Variants in DCLRE1A observed in about 807,000 individuals in gnomAD.
DCLRE1A encodes the protein DNA cross-link repair 1A protein.
DCLRE1A carries 64 observed loss-of-function variants against 91.9 expected under a neutral mutation model. The ratio of observed to expected loss-of-function variants is 0.70; its 90% CI spans 0.57 to 0.86. The LOEUF is 0.86. DCLRE1A is among the 40% of genes least tolerant of loss of function. The pLI is 0.00. For missense variants in DCLRE1A, 1,145 were observed against 1,213.3 expected, an observed-to-expected ratio of 0.94 and a Z score of 0.84; for synonymous variants, 416 against 431.1, an observed-to-expected ratio of 0.96 and a Z score of 0.43.
chr10:113,841,389 A>G lies in DCLRE1A; in HGVS notation c.2820+17T>C, dbSNP rs1208768911. 6.2e-7 allele frequency: 1 copy of G among 1,608,628 alleles called. No homozygotes were observed. The highest frequency in any genetic ancestry group is 8.5e-7 in the Non-Finnish European group (1 of 1,178,058). ...CTTTTTTGTTCATCCTAAAAGACAT[A>G]TCTCTTGAATGCTTACCTTAAAATT... On this transcript the variant is annotated intron_variant, in intron 7 of 8. Transcript: ENST00000361384.
intron 2 of DCLRE1A, 119 bp downstream of exon 2, chr10:113,848,861 G>T: frequency 1.0e-6 from 1 of 965,476 alleles, no homozygotes; most frequent in Non-Finnish European, 1.5e-6. Context: ...TATCACAAAA[G>T]CAAAGGAAAC....
At position 113,849,008 on chromosome 10, in the gene DCLRE1A, C is replaced by CT; in HGVS notation, c.2096dup (p.Thr700AspfsTer6). 1 of 1,613,404 alleles carries CT rather than the reference C, an allele frequency of 6.2e-7. No individual in the cohort carries two copies. Among genetic ancestry groups the CT allele is most frequent in the Non-Finnish European group, 8.5e-7 (1 of 1,179,780 alleles). ...GTATTTTCTTATAGAATGGACATGT[C>CT]TTTTTTCTTGATCCTCCTACATTAG... On this transcript the variant is annotated frameshift_variant, in exon 2 of 9. Transcript: ENST00000361384. LOFTEE classifies it high-confidence loss of function.
In DCLRE1A at chr10:113,849,856, TC is replaced by T; in HGVS notation, c.1248del (p.Lys417SerfsTer30). The T allele has an allele frequency of 2.5e-6, 4 of 1,613,946 alleles. No individual in the cohort carries two copies. The highest frequency in any genetic ancestry group is 3.4e-6 in the Non-Finnish European group (4 of 1,180,026). On this transcript the variant is annotated frameshift_variant, in exon 2 of 9. Coordinates refer to ENST00000361384, the MANE Select transcript of DCLRE1A (RefSeq NM_014881.5). LOFTEE classifies it high-confidence loss of function. ...GCCTGATGAACAGAAGCAGCAAGCTTCCCTGCCAATGCAGGTGGAAACAACA... is the reference window on the plus strand; with the variant it reads ...GCCTGATGAACAGAAGCAGCAAGCTTCCTGCCAATGCAGGTGGAAACAACA... ...DFVLFPPALAGKLAASVHQAT... is the reference protein window; with the variant it reads ...DFVLFPPALAXKLAASVHQAT...
rs1279435546 is a variant in DCLRE1A, at chr10:113,834,899, A to C, written c.*253T>G. On this transcript the variant is annotated 3_prime_UTR_variant, in exon 9 of 9. Transcript: ENST00000361384. ...TTCCTCTTCTAAGGCTTGATGCAGAATATAACTGCCCATGGAGGGCAGGGG... is the reference window on the plus strand; with the variant it reads ...TTCCTCTTCTAAGGCTTGATGCAGACTATAACTGCCCATGGAGGGCAGGGG... 6.0e-6 allele frequency: 2 copies of C among 333,212 alleles called. No homozygotes were observed. The highest frequency in any genetic ancestry group is 4.3e-5 in the African/African-American group (2 of 47,034). 20.6% of individuals were successfully genotyped at this position (333,212 alleles called of 1,614,324 possible). A position where few individuals can be genotyped will look rare whatever the true frequency, so the allele number is the denominator to read the frequency against.
chr10:113,834,834 A>T lies in DCLRE1A; in HGVS notation c.*318T>A, dbSNP rs1458755409. Reference sequence around the variant, plus strand: ...ATATAATGCTTCAAACTACTTTATTAATTATCATTAATCCTTTTGGTCCCT... The same window carrying T: ...ATATAATGCTTCAAACTACTTTATTTATTATCATTAATCCTTTTGGTCCCT... On this transcript the variant is annotated 3_prime_UTR_variant, in exon 9 of 9. Coordinates refer to ENST00000361384, the MANE Select transcript of DCLRE1A (RefSeq NM_014881.5). 1.1e-5 allele frequency: 2 copies of T among 186,786 alleles called. No individual in the cohort carries two copies. The highest frequency in any genetic ancestry group is 4.7e-5 in the African/African-American group (2 of 42,758). 11.6% of individuals were successfully genotyped at this position (186,786 alleles called of 1,614,324 possible).
Position 113,845,757 on chromosome 10 carries a change from T to C in DCLRE1A, c.2306A>G (p.Tyr769Cys), listed in dbSNP as rs776576602. The C allele has an allele frequency of 6.2e-7, 1 of 1,614,170 alleles. No homozygotes were observed. The highest frequency in any genetic ancestry group is 8.5e-7 in the Non-Finnish European group (1 of 1,180,012). ...AGTGTCCAGTGGCAATGGGTGAATA[T>C]ATTGTTCTTGCACATGAAGCTTGTT... ...LKNKLHVQEQ[Y>C]IHPLPLDTEC... is the part of the protein sequence containing the mutation. The change falls in exon 4 of 9, where the codon TAT becomes TGT. Residue 769 changes from tyrosine to cysteine, a missense_variant. Tyr to Cys is a radical substitution (Grantham distance 194). Transcript: ENST00000361384.
At position 113,844,814 on chromosome 10, in the gene DCLRE1A, T is replaced by C. The variant is rs377457876; in HGVS notation, c.2379-570A>G. 2.4e-3 allele frequency among the ~76,000 whole-genome samples: 359 copies of C among 152,016 alleles called. 1 individual carries two copies. The highest frequency in any genetic ancestry group is 7.9e-3 in the African/African-American group (327 of 41,448). ...AGCCAGGTGTGGTGGTGTGCGCCTG[T>C]AATCCCAGCTACTTGGAAGGCTGAG... On this transcript the variant is annotated intron_variant, in intron 4 of 8. Coordinates refer to ENST00000361384, the MANE Select transcript of DCLRE1A (RefSeq NM_014881.5).
intron 3 of DCLRE1A, among the ~76,000 whole-genome samples, chr10:113,846,390 A>G (rs1845538245): frequency 6.6e-6 from 1 of 152,202 alleles, no homozygotes; most frequent in Non-Finnish European, 1.5e-5. Flanking sequence ...AGCCCTTAGT[A>G]ATGAGCATTA....
chr10:113,844,860 C>T (rs1378275873), intron 4 of DCLRE1A, among the ~76,000 whole-genome samples: 1 of 150,432 alleles, frequency 6.6e-6, no homozygotes, highest in African/African-American at 2.4e-5. Flanking sequence ...CACTTGAACC[C>T]GGGAGGCAGA....
chr10:113,839,876 G>A (rs1254970565), intron 7 of DCLRE1A, among the ~76,000 whole-genome samples: 2 of 151,946 alleles, frequency 1.3e-5, no homozygotes, highest in African/African-American at 4.8e-5. Context: ...ATACAGACTT[G>A]ACGACTATCA....
At chr10:113,835,501 T>A (rs757978959) in intron 8 of DCLRE1A, among the ~76,000 whole-genome samples, 189 bp from the exon 9 acceptor site, 1 of 152,208 alleles carries the variant, frequency 6.6e-6, no homozygotes, top group South Asian at 2.1e-4. Flanking sequence ...GATTAAGACA[T>A]TAAAATGATA....
rs758860171 is a variant in DCLRE1A at position 113,844,152 on chromosome 10, C to T, written c.2471G>A (p.Arg824His). ...GACTTTCTGGTCCGCAAGAAGAGAA[C>T]GTTCCATGCTGGGATCTGCTCTGAA... ...GDFRADPSME[R>H]SLLADQKVHM... is the part of the protein sequence containing the mutation. The change falls in exon 5 of 9, where the codon CGT becomes CAT. Residue 824 changes from arginine to histidine, a missense_variant. Physicochemically the swap from Arg to His is conservative, Grantham distance 29 (BLOSUM62 0). Coordinates refer to ENST00000361384, the MANE Select transcript of DCLRE1A (RefSeq NM_014881.5). 11 of 1,614,012 alleles carry T rather than the reference C, an allele frequency of 6.8e-6. No individual in the cohort carries two copies. The highest frequency in any genetic ancestry group is 2.2e-5 in the East Asian group (1 of 44,886).
chr10:113,846,642 G>A (rs551404350), intron 3 of DCLRE1A, among the ~76,000 whole-genome samples: 1 of 152,208 alleles, frequency 6.6e-6, no homozygotes, highest in African/African-American at 2.4e-5. Flanking sequence ...AGGACCCCCT[G>A]AGGACACCAA....
chr10:113,841,226 T>C (rs1845439796), intron 7 of DCLRE1A, among the ~76,000 whole-genome samples, 180 bp downstream of exon 7: 1 of 152,226 alleles, frequency 6.6e-6, no homozygotes, highest in Non-Finnish European at 1.5e-5. Context: ...TGAATTACTC[T>C]ACAGAGTTGC....
chr10:113,850,338 TGG>T lies in DCLRE1A; in HGVS notation c.765_766del (p.Gln256ThrfsTer10). On this transcript the variant is annotated frameshift_variant, in exon 2 of 9. Transcript: ENST00000361384. LOFTEE classifies it high-confidence loss of function. ...AAAATCTGTAAATTGTAGAGCTTGT[TGG>T]GATGTTTGGATATGAGTAGAAATCT... 6.2e-7 allele frequency: 1 copy of T among 1,614,186 alleles called. No individual in the cohort carries two copies. Among genetic ancestry groups the T allele is most frequent in the South Asian group, 1.1e-5 (1 of 91,080 alleles).
At chr10:113,847,437 C>A in intron 2 of DCLRE1A, 102 bp from the exon 3 acceptor site, 1 of 1,271,376 alleles carries the variant, frequency 7.9e-7, no homozygotes, top group Non-Finnish European at 1.0e-6. Flanking sequence ...CTCTTATTTC[C>A]AATTTAACTA....
intron 8 of DCLRE1A, 104 bp from the exon 9 acceptor site, chr10:113,835,416 A>G (rs1564840560): frequency 7.8e-7 from 1 of 1,283,208 alleles, no homozygotes; most frequent in South Asian, 1.8e-5. Context: ...AGCAATCCAC[A>G]GTATTTTTGT....
chr10:113,844,140 G>T lies in DCLRE1A; in HGVS notation c.2483C>A (p.Ala828Glu), dbSNP rs147473337. 1.2e-5 allele frequency: 20 copies of T among 1,614,028 alleles called. No individual in the cohort carries two copies. Among genetic ancestry groups the T allele is most frequent in the South Asian group, 7.7e-5 (7 of 91,084 alleles). Residue 828 changes from alanine to glutamate, a missense_variant, in exon 5 of 9, where the codon GCG (alanine) becomes GAG (glutamate). Coordinates refer to ENST00000361384, the MANE Select transcript of DCLRE1A (RefSeq NM_014881.5). Reference sequence around the variant, plus strand: ...GTACAGCATATGGACTTTCTGGTCCGCAAGAAGAGAACGTTCCATGCTGGG... The same window carrying T: ...GTACAGCATATGGACTTTCTGGTCCTCAAGAAGAGAACGTTCCATGCTGGG... The part of the protein sequence containing the change: ...ADPSMERSLL[A>E]DQKVHMLYLD...
intron 3 of DCLRE1A, among the ~76,000 whole-genome samples, chr10:113,846,222 CAGA>C (rs1845534886): frequency 6.6e-6 from 1 of 152,190 alleles, no homozygotes; most frequent in Non-Finnish European, 1.5e-5. Context: ...GTCCTGGAAT[CAGA>C]CAGATTTGCA....
Sources: gnomAD v4.1 joint callset for allele counts (sites outside exome capture counted in the v4.1 genomes callset) on GRCh38, gnomAD v4.1.1 for gene constraint, MANE v1.5 for transcripts, NCBI Gene and HGNC (gene_info 2026-07-23, HGNC 2026-07-21) for gene names.